ABCA13: variants seen among roughly 807,000 people sequenced by gnomAD.
ABCA13 encodes the protein ATP binding cassette subfamily A member 13, also known as ATP-binding cassette sub-family A member 13.
Under a neutral mutation model 478.7 loss-of-function variants are expected in ABCA13, and 476 were observed. That is an observed-to-expected ratio of 0.99 (90% confidence interval 0.92 to 1.07). ABCA13 has a LOEUF of 1.07. Among genes scored for constraint, ABCA13 ranks in the 50% least tolerant of loss-of-function variants. ABCA13 has a pLI of 0.00. For synonymous variants in ABCA13, 2,252 were observed against 2,158.9 expected (o/e 1.04, Z -1.20); for missense variants, 6,060 against 5,910.6 (o/e 1.03, Z -0.83).
chr7:48,350,618 G>A (rs1808820160), intron 29 of ABCA13, 25 bp from the exon 30 acceptor site: 1 of 1,600,952 alleles, frequency 6.2e-7, no homozygotes. Context: ...AAGTTGATGT[G>A]TCCTAATCTG....
At position 48,520,297 on chromosome 7, in the gene ABCA13, G is replaced by T. The variant is rs1293862178; in HGVS notation, c.14051+3G>T. On this transcript the variant is annotated splice_donor_region_variant and intron_variant, in intron 53 of 61. Coordinates refer to ENST00000435803, the MANE Select transcript of ABCA13 (RefSeq NM_152701.5). ...TGGGACCTTCTGCGATGGCCAAGGT[G>T]GGTTCTGAAGGACTCATCCTCGAGC... 3.7e-6 allele frequency: 6 copies of T among 1,603,272 alleles called. No homozygotes were observed. The South Asian group carries it at 6.7e-5, about 18-fold the overall frequency.
chr7:48,470,286 T>C (rs1377012381), intron 44 of ABCA13, among the ~76,000 whole-genome samples: 3 of 152,112 alleles, frequency 2.0e-5, no homozygotes, highest in Admixed American at 1.3e-4. Context: ...GTACCTCTCA[T>C]GGACACCTAG....
chr7:48,503,750 C>T (rs952987389), intron 48 of ABCA13, among the ~76,000 whole-genome samples: 3 of 152,306 alleles, frequency 2.0e-5, no homozygotes, highest in African/African-American at 7.2e-5. Context: ...CTGCAATGCA[C>T]ATGGGCCTGC....
At chr7:48,383,356 T>C (rs1044951927) in intron 35 of ABCA13, among the ~76,000 whole-genome samples, 1 of 152,212 alleles carries the variant, frequency 6.6e-6, no homozygotes, top group Non-Finnish European at 1.5e-5. Context: ...CCTGTGTGTG[T>C]GCATATGTAT....
intron 46 of ABCA13, among the ~76,000 whole-genome samples, chr7:48,482,870 C>T (rs532460890): frequency 2.0e-5 from 3 of 152,336 alleles, no homozygotes; most frequent in South Asian, 2.1e-4. Context: ...ATTATCAGTG[C>T]CTTCCGTTTT....
At chr7:48,500,429 T>G (rs1237321714) in intron 48 of ABCA13, among the ~76,000 whole-genome samples, 1 of 152,082 alleles carries the variant, frequency 6.6e-6, no homozygotes, top group Non-Finnish European at 1.5e-5. Flanking sequence ...CTTTATTCAT[T>G]ACTCTTATTT....
chr7:48,208,347 T>C (rs766016462), intron 3 of ABCA13, among the ~76,000 whole-genome samples: 28 of 152,080 alleles, frequency 1.8e-4, no homozygotes, highest in Non-Finnish European at 3.7e-4. Flanking sequence ...GAAGAACATC[T>C]TTGGTATTTT....
At chr7:48,464,855 C>G (rs1352971574) in intron 43 of ABCA13, among the ~76,000 whole-genome samples, 1 of 152,138 alleles carries the variant, frequency 6.6e-6, no homozygotes, top group Non-Finnish European at 1.5e-5. Context: ...CAGTTAAACT[C>G]CAGTGAAGAT....
At chr7:48,411,710 G>A (rs1244279811) in intron 40 of ABCA13, among the ~76,000 whole-genome samples, 1 of 152,196 alleles carries the variant, frequency 6.6e-6, no homozygotes, top group Non-Finnish European at 1.5e-5. Context: ...TCTGGCCCGA[G>A]AGGCTGAACT....
intron 51 of ABCA13, among the ~76,000 whole-genome samples, chr7:48,513,512 G>A (rs911529942): frequency 1.3e-5 from 2 of 152,142 alleles, no homozygotes; most frequent in East Asian, 3.9e-4. Flanking sequence ...GAACATATTT[G>A]ATGTATATTT....
chr7:48,185,810 C>G lies in ABCA13; in HGVS notation c.70-7149C>G, dbSNP rs545228499. Among the ~76,000 whole-genome samples the G allele has an allele frequency of 5.9e-5, 9 of 151,978 alleles. No homozygotes were observed. The South Asian group carries it at 1.9e-3, about 32-fold the overall frequency. On this transcript the variant is annotated intron_variant, in intron 1 of 61. Transcript: ENST00000435803. ...TCTATGAAGGTAAATTCAGAATTTT[C>G]TTCCTGTAATAAAATATTGTAATAT...
Position 48,487,200 on chromosome 7 carries a change from C to T in ABCA13, c.13183-2036C>T, listed in dbSNP as rs1307922198. On this transcript the variant is annotated intron_variant, in intron 47 of 61. Transcript: ENST00000435803. Reference sequence around the variant, plus strand: ...TGGCACATGCCTGTAATGCCAGCTACTCAGGAGGCTAAGGCAAGAGAATTG... The same window carrying T: ...TGGCACATGCCTGTAATGCCAGCTATTCAGGAGGCTAAGGCAAGAGAATTG... Among the ~76,000 whole-genome samples, 4 of 151,948 alleles carry T rather than the reference C, an allele frequency of 2.6e-5. No individual in the cohort carries two copies. The South Asian group carries it at 6.2e-4, about 24-fold the overall frequency.
intron 42 of ABCA13, among the ~76,000 whole-genome samples, chr7:48,446,883 G>A (rs1208164828): frequency 1.3e-5 from 2 of 152,190 alleles, no homozygotes; most frequent in Non-Finnish European, 2.9e-5. Flanking sequence ...AAAGCTAATG[G>A]CAGGGTGCTT....
chr7:48,223,372 A>T (rs991156423), intron 5 of ABCA13, among the ~76,000 whole-genome samples: 1 of 152,064 alleles, frequency 6.6e-6, no homozygotes, highest in Non-Finnish European at 1.5e-5. Flanking sequence ...ATCAAGGGAG[A>T]GTGTGTAGAC....
chr7:48,450,630 C>T (rs1323165253), intron 42 of ABCA13, among the ~76,000 whole-genome samples: 1 of 152,100 alleles, frequency 6.6e-6, no homozygotes, highest in African/African-American at 2.4e-5. Flanking sequence ...TACTTTGCAA[C>T]ATTTTTCATC....
At chr7:48,542,351 TAAG>T (rs1232429418) in intron 55 of ABCA13, among the ~76,000 whole-genome samples, 1 of 151,688 alleles carries the variant, frequency 6.6e-6, no homozygotes, top group Non-Finnish European at 1.5e-5. Flanking sequence ...CCTGTTAAAA[TAAG>T]AAACAGAATA....
chr7:48,353,025 G>T (rs1355327928), intron 31 of ABCA13, among the ~76,000 whole-genome samples: 1 of 151,978 alleles, frequency 6.6e-6, no homozygotes, highest in South Asian at 2.1e-4. Flanking sequence ...GGCTGGAGCA[G>T]CTGGACAAGA....
At chr7:48,239,877 G>T (rs866229080) in intron 9 of ABCA13, among the ~76,000 whole-genome samples, 3 of 152,334 alleles carry the variant, frequency 2.0e-5, no homozygotes, top group Middle Eastern at 6.8e-3. Context: ...CACGAAGGGA[G>T]GCTCTAGTCT....
In ABCA13 at chr7:48,272,771, A is replaced by T; in HGVS notation, c.3105A>T (p.Ser1035=). The change falls in exon 17 of 62, where the codon TCA becomes TCT. Residue 1035 remains serine (S), a synonymous_variant. Coordinates refer to ENST00000435803, the MANE Select transcript of ABCA13 (RefSeq NM_152701.5). ...TATCTTACTGTCAGCAATTGCTTTC[A>T]ATTTTTAACTTTTTGGAGCTTCAGG... ...SNVSYCQQLL[S]IFNFLELQAQ... is the part of the protein sequence containing the mutation. The T allele has an allele frequency of 6.2e-7, 1 of 1,606,778 alleles. No individual in the cohort carries two copies.
Sources: gnomAD v4.1 joint callset for allele counts (sites outside exome capture counted in the v4.1 genomes callset) on GRCh38, gnomAD v4.1.1 for gene constraint, MANE v1.5 for transcripts, NCBI Gene and HGNC (gene_info 2026-07-23, HGNC 2026-07-21) for gene names.